Variants in KIAA1328 observed in about 807,000 individuals in gnomAD.
The protein encoded by KIAA1328 is KIAA1328, also known as protein hinderin.
In KIAA1328, 52 loss-of-function variants were observed where a neutral mutation model predicts 68.1. The observed-to-expected ratio is 0.76, with a 90% CI of 0.61 to 0.96. The LOEUF (loss-of-function observed/expected upper bound fraction) is 0.96, where lower values mean the gene tolerates loss of function less well. Ranked by LOEUF, KIAA1328 falls within the 40% of genes least tolerant of loss-of-function variation. KIAA1328 has a pLI of 0.00. For missense variants in KIAA1328, 641 were observed against 677.6 expected, an observed-to-expected ratio of 0.95 and a Z score of 0.60; for synonymous variants, 232 against 239.4, an observed-to-expected ratio of 0.97 and a Z score of 0.28.
intron 6 of KIAA1328, among the ~76,000 whole-genome samples, chr18:37,047,027 G>A (rs1599074034): frequency 6.6e-6 from 1 of 152,142 alleles, no homozygotes; most frequent in East Asian, 1.9e-4. Flanking sequence ...AGCTACTCGG[G>A]AGGCTGAGGC....
At chr18:36,910,068 G>A (rs548842571) in intron 5 of KIAA1328, among the ~76,000 whole-genome samples, 3 of 151,652 alleles carry the variant, frequency 2.0e-5, no homozygotes, top group Admixed American at 1.3e-4. Flanking sequence ...ATTTTCTGTA[G>A]GTTGCCTGTT....
At chr18:36,842,071 G>A (rs996363706) in intron 3 of KIAA1328, among the ~76,000 whole-genome samples, 1 of 151,964 alleles carries the variant, frequency 6.6e-6, no homozygotes, top group African/African-American at 2.4e-5. Flanking sequence ...TGAATAGTGC[G>A]AGAACCAAAA....
intron 5 of KIAA1328, among the ~76,000 whole-genome samples, chr18:36,936,166 T>TA (rs910251500): frequency 3.0e-4 from 44 of 149,118 alleles, no homozygotes; most frequent in South Asian, 1.3e-3. Flanking sequence ...TTATTTCTTC[T>TA]AAAAAAAAAA....
intron 3 of KIAA1328, among the ~76,000 whole-genome samples, chr18:36,841,610 A>ACAGGTAGT (rs1420864034): frequency 6.6e-6 from 1 of 152,096 alleles, no homozygotes; most frequent in African/African-American, 2.4e-5. Context: ...TATAAATTGG[A>ACAGGTAGT]CAGGTAGTAA....
intron 6 of KIAA1328, among the ~76,000 whole-genome samples, chr18:37,036,319 A>G (rs1184785691): frequency 6.6e-6 from 1 of 152,194 alleles, no homozygotes. Flanking sequence ...GTTTTTGTTC[A>G]CAAAGTAATT....
At chr18:37,229,913 T>A (rs2060657389), downstream of KIAA1328, 1 of 152,258 alleles carries the variant, frequency 6.6e-6, no homozygotes, top group Non-Finnish European at 1.4e-5. Context: ...AAGTATCAAG[T>A]CCACTTCCTA....
chr18:36,867,635 G>A (rs2047799693), intron 4 of KIAA1328, among the ~76,000 whole-genome samples: 1 of 152,044 alleles, frequency 6.6e-6, no homozygotes, highest in Non-Finnish European at 1.5e-5. Flanking sequence ...TATCTTGGAG[G>A]GTTTAATTGA....
chr18:37,030,542 A>G (rs2054781477), intron 6 of KIAA1328, among the ~76,000 whole-genome samples: 1 of 152,190 alleles, frequency 6.6e-6, no homozygotes. Flanking sequence ...TCTTGAAATT[A>G]TTGAGGCTTG....
chr18:37,221,891 A>T, intron 9 of KIAA1328, 126 bp from the exon 10 acceptor site: 1 of 948,304 alleles, frequency 1.1e-6, no homozygotes, highest in Non-Finnish European at 1.6e-6. Context: ...TCCCTTAAGC[A>T]TCATCTTATG....
At chr18:37,137,886 C>T (rs147443901) in intron 7 of KIAA1328, among the ~76,000 whole-genome samples, 29 of 152,224 alleles carry the variant, frequency 1.9e-4, no homozygotes, top group African/African-American at 7.0e-4. Context: ...GTCCTTATAA[C>T]TGTGTGATAA....
intron 4 of KIAA1328, among the ~76,000 whole-genome samples, chr18:36,854,053 A>G (rs2047304853): frequency 6.6e-6 from 1 of 152,190 alleles, no homozygotes; most frequent in Admixed American, 6.5e-5. Flanking sequence ...GTGTTTGGAG[A>G]CAGGTCCTTA....
In KIAA1328 at chr18:36,834,408, A is replaced by G. The variant is rs1017298233; in HGVS notation, c.94+53A>G. 2.8e-6 allele frequency: 4 copies of G among 1,439,020 alleles called. No homozygotes were observed. The African/African-American group carries it at 4.3e-5, about 15-fold the overall frequency. The allele number at this position is 1,439,020 out of a possible 1,614,324, so 89.1% of individuals were successfully genotyped here. On this transcript the variant is annotated intron_variant, in intron 2 of 9. Transcript: ENST00000280020. ...AAGCTTACTTTGGTCCTTAAATGTT[A>G]GAAGAAAATAAAGCTATTAGAACAA... is the stretch of plus-strand genomic sequence containing the variant.
At chr18:37,016,159 T>A (rs2054145424) in intron 6 of KIAA1328, among the ~76,000 whole-genome samples, 2 of 152,194 alleles carry the variant, frequency 1.3e-5, no homozygotes, top group South Asian at 4.1e-4. Context: ...CTTATTATTT[T>A]GAGGAATGTT....
chr18:37,054,167 T>C (rs2055817120), intron 6 of KIAA1328, among the ~76,000 whole-genome samples: 1 of 151,946 alleles, frequency 6.6e-6, no homozygotes, highest in Non-Finnish European at 1.5e-5. Context: ...AACCCAGATA[T>C]AGGTTGGAAT....
At position 36,882,615 on chromosome 18, in the gene KIAA1328, A is replaced by G. The variant is rs117250424; in HGVS notation, c.333-2942A>G. Among the ~76,000 whole-genome samples, 5 of 152,326 alleles carry G rather than the reference A, an allele frequency of 3.3e-5. No homozygotes were observed. In the East Asian group the frequency reaches 9.6e-4, roughly 29 times the overall value. ...CTTAATAATTGCTAAAGGATAGTCA[A>G]ATCATAGCAGCATAACAGAAAAGAT... On this transcript the variant is annotated intron_variant, in intron 4 of 9. Coordinates refer to ENST00000280020, the MANE Select transcript of KIAA1328 (RefSeq NM_020776.3).
chr18:37,045,434 G>A (rs182584828), intron 6 of KIAA1328, among the ~76,000 whole-genome samples: 4 of 150,016 alleles, frequency 2.7e-5, no homozygotes, highest in African/African-American at 4.9e-5. Context: ...TTGTTCTTTG[G>A]TCTTCATTTC....
chr18:36,871,557 A>G (rs1300999491), intron 4 of KIAA1328, among the ~76,000 whole-genome samples: 1 of 152,194 alleles, frequency 6.6e-6, no homozygotes, highest in Admixed American at 6.5e-5. Context: ...CTTGGAAATA[A>G]GAAATGTTGG....
At chr18:36,950,555 C>T (rs534180932) in intron 5 of KIAA1328, among the ~76,000 whole-genome samples, 19 of 152,250 alleles carry the variant, frequency 1.2e-4, no homozygotes, top group Admixed American at 7.8e-4. Context: ...AGGTGCTTAA[C>T]TCTGCCTGGG....
intron 3 of KIAA1328, among the ~76,000 whole-genome samples, 184 bp downstream of exon 3, chr18:36,835,560 G>T (rs559057318): frequency 6.6e-6 from 1 of 152,204 alleles, no homozygotes; most frequent in East Asian, 1.9e-4. Flanking sequence ...TTACTCAAGG[G>T]TTTTGCTCCA....
Sources: allele counts gnomAD v4.1 joint callset (sites outside exome capture counted in the v4.1 genomes callset), GRCh38; gene constraint gnomAD v4.1.1; transcripts MANE v1.5; gene names NCBI Gene and HGNC (gene_info 2026-07-23, HGNC 2026-07-21).